The following INF2 variants were observed in gnomAD, a reference collection of about 807,000 sequenced individuals.
INF2 encodes inverted formin-2.
INF2 carries 43 observed loss-of-function variants against 123.5 expected under a neutral mutation model. The observed-to-expected ratio is 0.35, with a 90% CI of 0.27 to 0.45. INF2 has a LOEUF of 0.45. Among genes scored for constraint, INF2 ranks in the 20% least tolerant of loss-of-function variants. The probability of loss-of-function intolerance (pLI) is 1.00; values close to 1 mark genes in which losing one functional copy is unlikely to be tolerated. For synonymous variants in INF2, 851 were observed against 745.0 expected (o/e 1.14, Z -2.32); for missense variants, 1,453 against 1,682.7 (o/e 0.86, Z 2.39).
At chr14:104,687,453 C>T (rs1030001095), upstream of INF2, among the ~76,000 whole-genome samples, 4 of 148,686 alleles carry the variant, frequency 2.7e-5, no homozygotes, top group Admixed American at 2.0e-4. The surrounding 1 kb of genome is among the most constrained non-coding windows in gnomAD (Gnocchi z 5.6). Context: ...TGACCTCGGC[C>T]TCCACTCCAC....
At chr14:104,716,530 A>C (rs1190503189) in intron 22 of INF2, among the ~76,000 whole-genome samples, 1 of 152,160 alleles carries the variant, frequency 6.6e-6, no homozygotes, top group African/African-American at 2.4e-5. Flanking sequence ...GCCACATCTG[A>C]CAATGGTCCA....
intron 1 of INF2, among the ~76,000 whole-genome samples, chr14:104,698,255 T>C (rs920603178): frequency 3.3e-5 from 5 of 152,194 alleles, no homozygotes; most frequent in African/African-American, 9.7e-5. Flanking sequence ...CCTTCCAGCG[T>C]ATTGTTCCCC....
rs1269437587 is a variant in INF2, at chr14:104,707,901, G to T, written c.1634G>T (p.Gly545Val). Residue 545 changes from glycine (G) to valine (V), a missense_variant, in exon 8 of 23, where the codon GGC (glycine) becomes GTC (valine). Physicochemically the swap from Gly to Val is moderately radical, Grantham distance 109. Transcript: ENST00000392634. ...GTCATCGTGGCCCAGGTGGACCATG[G>T]CTTGGGCTCAGCATGGGTCCCCAGC... ...EEVIVAQVDH[G>V]LGSAWVPSHR... 1.9e-6 allele frequency: 3 copies of T among 1,604,444 alleles called. No individual in the cohort carries two copies. The highest frequency in any genetic ancestry group is 1.3e-5 in the African/African-American group (1 of 74,960).
intron 1 of INF2, among the ~76,000 whole-genome samples, chr14:104,695,601 C>T (rs1789146078): frequency 6.6e-6 from 1 of 152,268 alleles, no homozygotes; most frequent in South Asian, 2.1e-4. Flanking sequence ...AGTGACCCCT[C>T]CTCCCAGTGA....
At chr14:104,718,396 G>A (rs569611465) in intron 22 of INF2, among the ~76,000 whole-genome samples, 84 of 152,306 alleles carry the variant, frequency 5.5e-4, no homozygotes, top group Non-Finnish European at 5.9e-4. Context: ...GCGCTGCTGG[G>A]GTCCTCGTGT....
At chr14:104,689,337 G>C (rs1453017529), upstream of INF2, 1 of 844,300 alleles carries the variant, frequency 1.2e-6, no homozygotes, top group Non-Finnish European at 1.4e-6. Flanking sequence ...GGACAGTGGG[G>C]GCTGAGGCGG....
chr14:104,681,621 C>T (rs763090900), intron 1 of INF2: 14 of 1,286,750 alleles, frequency 1.1e-5, no homozygotes, highest in East Asian at 5.6e-5. Context: ...CTGGGGTAGC[C>T]GAGAAAGCAG....
At chr14:104,688,338 G>C (rs893097585), upstream of INF2, among the ~76,000 whole-genome samples, 1 of 152,226 alleles carries the variant, frequency 6.6e-6, no homozygotes, top group Non-Finnish European at 1.5e-5. Flanking sequence ...CTGCAATTCG[G>C]CGCTTATCCC....
In INF2 at chr14:104,708,474, G is replaced by A. The variant is rs530285485; in HGVS notation, c.1774G>A (p.Ala592Thr). 6.8e-6 allele frequency: 11 copies of A among 1,612,516 alleles called. No homozygotes were observed. The highest frequency in any genetic ancestry group is 2.2e-5 in the East Asian group (1 of 44,872). The change falls in exon 9 of 23, where the codon GCC becomes ACC. Residue 592 changes from alanine (A) to threonine (T), a missense_variant. Ala to Thr is a moderately conservative substitution (Grantham distance 58). Coordinates refer to ENST00000392634, the MANE Select transcript of INF2 (RefSeq NM_022489.4). ...SMWASLSSPD[A>T]EAVEPDFSSI... ...GTGGGCGTCCCTGAGCAGCCCCGAC[G>A]CCGAGGCTGTGGAGCCCGACTTCTC...
At position 104,719,504 on chromosome 14, in the gene INF2, C is replaced by T. The variant is rs571303467; in HGVS notation, c.*711C>T. 2.0e-5 allele frequency: 3 copies of T among 152,358 alleles called. No homozygotes were observed. The highest frequency in any genetic ancestry group is 7.2e-5 in the African/African-American group (3 of 41,590). 9.4% of individuals were successfully genotyped at this position (152,358 alleles called of 1,614,324 possible). A position where few individuals can be genotyped will look rare whatever the true frequency, so the allele number is the denominator to read the frequency against. ...TGACACCCAGCAGCCGCTGCCCCCT[C>T]ACTGCCCACCCAGCGAGGGCAGCCT... On this transcript the variant is annotated 3_prime_UTR_variant, in exon 23 of 23. Coordinates refer to ENST00000392634, the MANE Select transcript of INF2 (RefSeq NM_022489.4).
At chr14:104,689,590 T>TGCCCCCCCCCCC, upstream of INF2, 5 of 646,936 alleles carry the variant, frequency 7.7e-6, no homozygotes, top group Non-Finnish European at 9.3e-6. Flanking sequence ...CTCCTCTTCC[T>TGCCCCCCCCCCC]CCCGCCCGCC....
upstream of INF2, among the ~76,000 whole-genome samples, chr14:104,688,432 G>A (rs1172919510): frequency 1.3e-5 from 2 of 152,266 alleles, no homozygotes; most frequent in Non-Finnish European, 2.9e-5. Flanking sequence ...AAGCCATTCA[G>A]GAGCCCTTTT....
chr14:104,715,292 C>G lies in INF2; in HGVS notation c.3703C>G (p.Pro1235Ala). Residue 1235 changes from proline (P) to alanine (A), a missense_variant, in exon 22 of 23, where the codon CCT becomes GCT. Pro to Ala is a conservative substitution (Grantham distance 27). This residue lies in a region of INF2 where 344 missense variants were observed against 333.1 expected (regional missense o/e 1.03). Transcript: ENST00000392634. ...RPSRSQEEVPPDSDDNKTKKL... is the reference protein window; with the variant it reads ...RPSRSQEEVPADSDDNKTKKL... ...CTTTTATTTGGAAGCAGAGGTTCCC[C>G]CTGATTCTGATGATAATAAAACAAA... The G allele has an allele frequency of 6.2e-7, 1 of 1,613,582 alleles. No homozygotes were observed. Among genetic ancestry groups the G allele is most frequent in the Non-Finnish European group, 8.5e-7 (1 of 1,179,736 alleles).
In INF2 at chr14:104,714,555, C is replaced by G. The variant is rs762787066; in HGVS notation, c.3393C>G (p.Ala1131=). The change falls in exon 21 of 23, where the codon GCC becomes GCG. Residue 1131 remains alanine (A), a synonymous_variant. Transcript: ENST00000392634. ...CAGCCGGAAGTTCAAGGCAAGATGCCAAGGATCCCACGTCCTTGCTGGGCG... is the reference window on the plus strand; with the variant it reads ...CAGCCGGAAGTTCAAGGCAAGATGCGAAGGATCCCACGTCCTTGCTGGGCG... ...PPAAGSSRQD[A]KDPTSLLGVL... is the part of the protein sequence containing the mutation. The G allele has an allele frequency of 6.2e-7, 1 of 1,612,726 alleles. No individual in the cohort carries two copies. The highest frequency in any genetic ancestry group is 1.1e-5 in the South Asian group (1 of 91,084).
chr14:104,715,445 C>T (rs1008296746), intron 22 of INF2, 105 bp downstream of exon 22: 20 of 1,088,214 alleles, frequency 1.8e-5, no homozygotes, highest in South Asian at 1.4e-4. Flanking sequence ...GGCTTCTCTC[C>T]AGCCCGCGTG....
chr14:104,714,678 G>C lies in INF2; in HGVS notation c.3516G>C (p.Glu1172Asp), dbSNP rs774560807. 1.2e-6 allele frequency: 2 copies of C among 1,611,608 alleles called. No homozygotes were observed. Among genetic ancestry groups the C allele is most frequent in the Non-Finnish European group, 1.7e-6 (2 of 1,179,086 alleles). The change falls in exon 21 of 23, where the codon GAG becomes GAC. Residue 1172 changes from glutamate (E) to aspartate (D), a missense_variant. By Grantham distance (45) the Glu-to-Asp change is conservative. This residue lies in a region of INF2 where 344 missense variants were observed against 333.1 expected (regional missense o/e 1.03). Transcript: ENST00000392634. ...RPPAAGPGGDEDEDEEDTAPE... is the reference protein window; with the variant it reads ...RPPAAGPGGDDDEDEEDTAPE... Reference sequence around the variant, plus strand: ...CTGCAGCAGGCCCAGGTGGGGATGAGGACGAGGACGAGGAGGACACGGCCC... The same window carrying C: ...CTGCAGCAGGCCCAGGTGGGGATGACGACGAGGACGAGGAGGACACGGCCC...
upstream of INF2, chr14:104,689,215 G>A: frequency 2.0e-6 from 2 of 985,410 alleles, no homozygotes; most frequent in Non-Finnish European, 2.4e-6. Context: ...CGGCTGGCTG[G>A]AACGGGAGTC....
intron 21 of INF2, 87 bp downstream of exon 21, chr14:104,714,943 A>C: frequency 7.4e-7 from 1 of 1,354,446 alleles, no homozygotes; most frequent in South Asian, 1.5e-5. Context: ...GGGCACTGCA[A>C]GTTCCAGCGG....
At chr14:104,713,028 A>C (rs1417218611) in intron 18 of INF2, 36 bp downstream of exon 18, 1 of 1,611,032 alleles carries the variant, frequency 6.2e-7, no homozygotes, top group African/African-American at 1.3e-5. Context: ...CTGTCTGGCT[A>C]GAGTGGGGTC....
Sources: allele counts gnomAD v4.1 joint callset (sites outside exome capture counted in the v4.1 genomes callset), GRCh38; gene constraint gnomAD v4.1.1; regional missense constraint gnomAD v4.1.1; non-coding constraint Gnocchi (gnomAD v3.1); transcripts MANE v1.5; gene names NCBI Gene and HGNC (gene_info 2026-07-23, HGNC 2026-07-21).